Variants in RO60 observed in about 807,000 individuals in gnomAD.
RO60 encodes RNA-binding protein RO60.
A neutral mutation model predicts 55.3 loss-of-function variants in RO60; 20 were observed. That is an observed-to-expected ratio of 0.36 (90% CI 0.25 to 0.53). The LOEUF (loss-of-function observed/expected upper bound fraction) is 0.53, where lower values mean the gene tolerates loss of function less well. RO60 is among the 20% of genes least tolerant of loss of function. The probability of loss-of-function intolerance (pLI) is 0.92; values close to 1 mark genes in which losing one functional copy is unlikely to be tolerated. For synonymous variants in RO60, 213 were observed against 213.6 expected, an observed-to-expected ratio of 1.00 and a Z score of 0.02; for missense variants, 558 against 646.6, an observed-to-expected ratio of 0.86 and a Z score of 1.49.
intron 2 of RO60, among the ~76,000 whole-genome samples, chr1:193,072,060 A>G (rs563964261): frequency 2.6e-5 from 4 of 151,936 alleles, no homozygotes; most frequent in South Asian, 2.1e-4. Flanking sequence ...CTGGAGTGCA[A>G]TGGCACAATC....
chr1:193,084,007 G>A (rs1674492746), intron 8 of RO60, among the ~76,000 whole-genome samples: 1 of 152,194 alleles, frequency 6.6e-6, no homozygotes, highest in Non-Finnish European at 1.5e-5. Context: ...TCTTAGAGTT[G>A]TTTTAACAGT....
At chr1:193,076,750 C>G in intron 4 of RO60, 103 bp downstream of exon 4, 5 of 1,366,144 alleles carry the variant, frequency 3.7e-6, no homozygotes, top group Non-Finnish European at 5.0e-6. Context: ...TCGAGATGTT[C>G]ATTATACCAA....
chr1:193,069,700 A>C, intron 2 of RO60, 66 bp downstream of exon 2: 1 of 1,256,974 alleles, frequency 8.0e-7, no homozygotes, highest in Non-Finnish European at 1.1e-6. Flanking sequence ...GCAAATTTTT[A>C]TTTAACATAA....
At chr1:193,062,340 A>T (rs1672836486) in intron 1 of RO60, among the ~76,000 whole-genome samples, 1 of 152,204 alleles carries the variant, frequency 6.6e-6, no homozygotes, top group Non-Finnish European at 1.5e-5. Flanking sequence ...GGTATCTCAA[A>T]TTGCTTTTAA....
At chr1:193,071,136 A>C (rs1673464791) in intron 2 of RO60, among the ~76,000 whole-genome samples, 1 of 152,120 alleles carries the variant, frequency 6.6e-6, no homozygotes, top group Admixed American at 6.5e-5. Flanking sequence ...ACATGCTCAG[A>C]TCATAGTAGG....
At chr1:193,081,766 AAAG>A (rs1553272716) in intron 6 of RO60, among the ~76,000 whole-genome samples, 2 of 152,106 alleles carry the variant, frequency 1.3e-5, no homozygotes, top group Non-Finnish European at 2.9e-5. Flanking sequence ...AAAATGAAAA[AAAG>A]ACAAATTTTT....
In RO60 at chr1:193,089,019, G is replaced by A. The variant is rs1314497941; in HGVS notation, c.*4288G>A. 1 of 152,134 alleles carries A rather than the reference G, an allele frequency of 6.6e-6. No individual in the cohort carries two copies. Among genetic ancestry groups the A allele is most frequent in the Non-Finnish European group, 1.5e-5 (1 of 67,996 alleles). The allele number at this position is 152,134 out of a possible 1,614,324, so 9.4% of individuals were successfully genotyped here. On this transcript the variant is annotated 3_prime_UTR_variant, in exon 9 of 9. Transcript: ENST00000400968. ...GCAGATTGCTTTTTGTTTCATACAAGTATAAGATCATATTTTCTTTTTCAA... is the reference window on the plus strand; with the variant it reads ...GCAGATTGCTTTTTGTTTCATACAAATATAAGATCATATTTTCTTTTTCAA...
Position 193,085,605 on chromosome 1 carries a change from C to T in RO60, c.*874C>T, listed in dbSNP as rs149224598. Reference sequence around the variant, plus strand: ...ATGTTTCAAGCGCTTAACTCCCCCTCATTCACAAAGTATAACAATTAAAAT... The same window carrying T: ...ATGTTTCAAGCGCTTAACTCCCCCTTATTCACAAAGTATAACAATTAAAAT... On this transcript the variant is annotated 3_prime_UTR_variant, in exon 9 of 9. Coordinates refer to ENST00000400968, the MANE Select transcript of RO60 (RefSeq NM_001173524.2). 2,326 of 984,520 alleles carry T rather than the reference C, an allele frequency of 2.4e-3. 11 individuals are homozygous for T. In the Middle Eastern group the frequency reaches 0.024, roughly 10 times the overall value. 61.0% of individuals were successfully genotyped at this position (984,520 alleles called of 1,614,324 possible).
intron 1 of RO60, 149 bp from the exon 2 acceptor site, chr1:193,068,885 T>C: frequency 1.8e-6 from 1 of 553,354 alleles, no homozygotes; most frequent in Non-Finnish European, 3.0e-6. Flanking sequence ...ACATTTATAT[T>C]GATTTTGTAC....
At position 193,069,044 on chromosome 1, in the gene RO60, G is replaced by C; in HGVS notation, c.-11G>C. 6.3e-7 allele frequency: 1 copy of C among 1,594,500 alleles called. No homozygotes were observed. The highest frequency in any genetic ancestry group is 8.6e-7 in the Non-Finnish European group (1 of 1,169,320). Reference sequence around the variant, plus strand: ...TTGCCTTTTTGTTAGGTTTCCTAAAGACAAAAAAAAATGGAGGAATCTGTA... The same window carrying C: ...TTGCCTTTTTGTTAGGTTTCCTAAACACAAAAAAAAATGGAGGAATCTGTA... On this transcript the variant is annotated 5_prime_UTR_variant, in exon 2 of 9. Coordinates refer to ENST00000400968, the MANE Select transcript of RO60 (RefSeq NM_001173524.2).
chr1:193,070,528 CTTT>C (rs748288245), intron 2 of RO60: 1,791 of 361,260 alleles, frequency 5.0e-3, no homozygotes, highest in East Asian at 6.8e-3. Flanking sequence ...CAAAATTTGA[CTTT>C]TTTTTTTTTT....
chr1:193,072,305 T>C (rs1169510192), intron 2 of RO60, among the ~76,000 whole-genome samples: 2 of 152,198 alleles, frequency 1.3e-5, no homozygotes, highest in Non-Finnish European at 2.9e-5. Flanking sequence ...TGCCTGGCCC[T>C]CAGCAAATAT....
intron 5 of RO60, among the ~76,000 whole-genome samples, chr1:193,077,559 A>T (rs1157177403): frequency 1.3e-5 from 2 of 152,206 alleles, no homozygotes; most frequent in Non-Finnish European, 2.9e-5. Context: ...GTGAGAACTC[A>T]TTCACTATCA....
chr1:193,072,657 G>A (rs1213177457), intron 2 of RO60, among the ~76,000 whole-genome samples: 3 of 152,008 alleles, frequency 2.0e-5, no homozygotes, highest in Non-Finnish European at 4.4e-5. Flanking sequence ...TCCAACATAA[G>A]AAGGACTTAG....
Position 193,089,276 on chromosome 1 carries a change from G to C in RO60, c.*4545G>C, listed in dbSNP as rs1231504470. 1 of 152,054 alleles carries C rather than the reference G, an allele frequency of 6.6e-6. No individual in the cohort carries two copies. The highest frequency in any genetic ancestry group is 1.9e-4 in the East Asian group (1 of 5,188). 9.4% of individuals were successfully genotyped at this position (152,054 alleles called of 1,614,324 possible). On this transcript the variant is annotated 3_prime_UTR_variant, in exon 9 of 9. Coordinates refer to ENST00000400968, the MANE Select transcript of RO60 (RefSeq NM_001173524.2). Reference sequence around the variant, plus strand: ...TGATTACTCTTTCAGAAAATAGCAGGTGTCTCAATGCTTTTTTTCCATAAT... The same window carrying C: ...TGATTACTCTTTCAGAAAATAGCAGCTGTCTCAATGCTTTTTTTCCATAAT...
At chr1:193,084,233 T>C (rs1674509896) in intron 8 of RO60, among the ~76,000 whole-genome samples, 1 of 152,228 alleles carries the variant, frequency 6.6e-6, no homozygotes, top group African/African-American at 2.4e-5. Context: ...TCATACACAC[T>C]GCCCCAGCAT....
In RO60 at chr1:193,076,824, TGTA is replaced by T; in HGVS notation, c.949-86_949-84del. 4.3e-6 allele frequency: 6 copies of T among 1,409,420 alleles called. No homozygotes were observed. In the South Asian group the frequency reaches 8.1e-5, roughly 19 times the overall value. The allele number at this position is 1,409,420 out of a possible 1,614,324, so 87.3% of individuals were successfully genotyped here. A position where few individuals can be genotyped will look rare whatever the true frequency, so the allele number is the denominator to read the frequency against. On this transcript the variant is annotated intron_variant, in intron 4 of 8. Transcript: ENST00000400968. ...TCATTTTTCTCTTTTCTATATGAAATGTAGTTATTAGCTACAATAACACAAAAA... is the reference window on the plus strand; with the variant it reads ...TCATTTTTCTCTTTTCTATATGAAATGTTATTAGCTACAATAACACAAAAA...
rs1160325456 is a variant in RO60 at position 193,087,165 on chromosome 1, T to C, written c.*2434T>C. ...GGAACATGTATAATCTTGTAATTCA[T>C]AGGAATCCTCAAGCACAATTAACCT... is the stretch of plus-strand genomic sequence containing the variant. On this transcript the variant is annotated 3_prime_UTR_variant, in exon 9 of 9. Transcript: ENST00000400968. 1 of 152,120 alleles carries C rather than the reference T, an allele frequency of 6.6e-6. No homozygotes were observed. Among genetic ancestry groups the C allele is most frequent in the African/African-American group, 2.4e-5 (1 of 41,422 alleles). The allele number at this position is 152,120 out of a possible 1,614,324, so 9.4% of individuals were successfully genotyped here.
At chr1:193,076,431 T>G (rs988739411) in intron 3 of RO60, 70 bp from the exon 4 acceptor site, 3 of 1,482,916 alleles carry the variant, frequency 2.0e-6, no homozygotes, top group Non-Finnish European at 2.7e-6. Flanking sequence ...GAATATTTTT[T>G]TATATAGGTA....
Sources: allele counts gnomAD v4.1 joint callset (sites outside exome capture counted in the v4.1 genomes callset), GRCh38; gene constraint gnomAD v4.1.1; transcripts MANE v1.5; gene names NCBI Gene and HGNC (gene_info 2026-07-23, HGNC 2026-07-21).